The following STAG1 variants were observed in gnomAD, a reference collection of about 807,000 sequenced individuals.
STAG1 encodes the protein STAG1 cohesin complex component, also known as cohesin subunit SA-1.
A neutral mutation model predicts 170.9 loss-of-function variants in STAG1; 26 were observed. That is an observed-to-expected ratio of 0.15 (90% CI 0.11 to 0.21). The LOEUF (loss-of-function observed/expected upper bound fraction) is 0.21. Ranked by LOEUF, STAG1 falls within the 10% of genes least tolerant of loss-of-function variation. STAG1 has a pLI of 1.00. For missense variants in STAG1, 964 were observed against 1,509.5 expected (o/e 0.64, Z 5.99); for synonymous variants, 514 against 497.7 (o/e 1.03, Z -0.44).
At chr3:136,572,063 A>G (rs1242253734) in intron 4 of STAG1, among the ~76,000 whole-genome samples, 2 of 151,962 alleles carry the variant, frequency 1.3e-5, no homozygotes. Flanking sequence ...GAAAAAACAA[A>G]AAAGAGCCAG....
chr3:136,521,474 C>CA (rs1934667228), intron 6 of STAG1, 57 bp from the exon 7 acceptor site: 4 of 1,472,510 alleles, frequency 2.7e-6, no homozygotes, highest in South Asian at 2.5e-5. Context: ...TTGATGAAAG[C>CA]TTTTTTTTTC....
intron 22 of STAG1, among the ~76,000 whole-genome samples, chr3:136,387,317 G>A (rs1289379601): frequency 6.6e-6 from 1 of 152,190 alleles, no homozygotes; most frequent in Non-Finnish European, 1.5e-5. Flanking sequence ...CATCAGGTCA[G>A]ATTTGGCCCA....
intron 3 of STAG1, among the ~76,000 whole-genome samples, chr3:136,617,976 A>G (rs998274264): frequency 6.6e-6 from 1 of 152,230 alleles, no homozygotes; most frequent in Non-Finnish European, 1.5e-5. Context: ...TTTGTTGTGC[A>G]TTCTCCATCT....
intron 1 of STAG1, among the ~76,000 whole-genome samples, chr3:136,731,721 T>G (rs912175399): frequency 5.9e-5 from 9 of 152,248 alleles, no homozygotes; most frequent in African/African-American, 2.2e-4. Context: ...CAACAAATGC[T>G]TGATGAATGA....
At chr3:136,736,300 C>T (rs1934330119) in intron 1 of STAG1, among the ~76,000 whole-genome samples, 1 of 152,254 alleles carries the variant, frequency 6.6e-6, no homozygotes, top group South Asian at 2.1e-4. Flanking sequence ...GAGGGGAAGG[C>T]CTTTTTTTAA....
At chr3:136,611,623 T>G (rs1021100495) in intron 3 of STAG1, among the ~76,000 whole-genome samples, 1 of 149,022 alleles carries the variant, frequency 6.7e-6, no homozygotes, top group Admixed American at 6.8e-5. Context: ...GCCACCTAAG[T>G]AGTTGGGACT....
At chr3:136,343,771 C>T (rs1208912505) in intron 30 of STAG1, 61 bp downstream of exon 30, 2 of 1,372,862 alleles carry the variant, frequency 1.5e-6, no homozygotes, top group Non-Finnish European at 9.8e-7. Flanking sequence ...TAAAGTTTTT[C>T]TTAAATAGTT....
At chr3:136,573,260 T>C (rs1201784240) in intron 4 of STAG1, among the ~76,000 whole-genome samples, 4 of 151,812 alleles carry the variant, frequency 2.6e-5, no homozygotes, top group African/African-American at 4.8e-5. Context: ...TGGCAGAGAA[T>C]GGCAACTGTT....
intron 4 of STAG1, among the ~76,000 whole-genome samples, chr3:136,597,291 T>C (rs1490250929): frequency 1.3e-5 from 2 of 152,104 alleles, no homozygotes; most frequent in South Asian, 2.1e-4. Context: ...ATATTCTTAG[T>C]AAAGAAAAGA....
intron 12 of STAG1, among the ~76,000 whole-genome samples, chr3:136,466,267 T>C (rs992920880): frequency 5.7e-4 from 87 of 152,186 alleles, no homozygotes; most frequent in African/African-American, 1.9e-3. Flanking sequence ...AAAGACTAGA[T>C]GAATGGCTAA....
At chr3:136,693,280 G>T (rs988702809) in intron 1 of STAG1, among the ~76,000 whole-genome samples, 3 of 152,176 alleles carry the variant, frequency 2.0e-5, no homozygotes, top group African/African-American at 7.2e-5. Flanking sequence ...TTCCAACACC[G>T]TGGCTGGTTG....
intron 1 of STAG1, among the ~76,000 whole-genome samples, chr3:136,649,055 A>C (rs1941126820): frequency 1.3e-5 from 2 of 152,216 alleles, no homozygotes; most frequent in African/African-American, 4.8e-5. Context: ...TGTAATTTAC[A>C]TCTCTGTAAT....
At position 136,342,013 on chromosome 3, in the gene STAG1, C is replaced by T. The variant is rs1204231670; in HGVS notation, c.3447-462G>A. Among the ~76,000 whole-genome samples, 3 of 152,000 alleles carry T rather than the reference C, an allele frequency of 2.0e-5. No individual in the cohort carries two copies. The East Asian group carries it at 5.8e-4, about 29-fold the overall frequency. On this transcript the variant is annotated intron_variant, in intron 30 of 33. Coordinates refer to ENST00000383202, the MANE Select transcript of STAG1 (RefSeq NM_005862.3). ...CACATGGAAGTGTGTGTAAACATGC[C>T]TCTAAGGAATTTTTTTTTTTTTTTG...
chr3:136,535,043 A>G (rs1265308474), intron 6 of STAG1, among the ~76,000 whole-genome samples: 1 of 152,382 alleles, frequency 6.6e-6, no homozygotes, highest in Admixed American at 6.5e-5. Context: ...CAGCATATAC[A>G]TATAACAGGA....
intron 29 of STAG1, among the ~76,000 whole-genome samples, chr3:136,347,921 GATA>G (rs1936294124): frequency 6.6e-6 from 1 of 152,198 alleles, no homozygotes; most frequent in Non-Finnish European, 1.5e-5. Context: ...TTGCATAGCT[GATA>G]ATGAGAAGGC....
At chr3:136,722,792 C>A (rs1436753540) in intron 1 of STAG1, among the ~76,000 whole-genome samples, 4 of 152,086 alleles carry the variant, frequency 2.6e-5, no homozygotes, top group Admixed American at 2.6e-4. Flanking sequence ...AGCCTCCCTG[C>A]CTGATTCTCC....
intron 1 of STAG1, among the ~76,000 whole-genome samples, chr3:136,701,590 C>T (rs972392256): frequency 9.2e-5 from 14 of 152,078 alleles, no homozygotes; most frequent in African/African-American, 2.9e-4. Context: ...GTATGCCCCC[C>T]GGATGTAAAT....
At chr3:136,468,254 C>G (rs908849630) in intron 12 of STAG1, among the ~76,000 whole-genome samples, 3 of 151,896 alleles carry the variant, frequency 2.0e-5, no homozygotes, top group Admixed American at 6.6e-5. Context: ...ACTGATAGAC[C>G]ACTAGCAAGA....
intron 1 of STAG1, among the ~76,000 whole-genome samples, chr3:136,735,757 G>A (rs1444413944): frequency 6.6e-6 from 1 of 152,006 alleles, no homozygotes. Flanking sequence ...GAATTATAGG[G>A]GTTCGCCACC....
Sources: allele counts gnomAD v4.1 joint callset (sites outside exome capture counted in the v4.1 genomes callset), GRCh38; gene constraint gnomAD v4.1.1; transcripts MANE v1.5; gene names NCBI Gene and HGNC (gene_info 2026-07-23, HGNC 2026-07-21).